Variants in PLEKHA1 observed in about 807,000 individuals in gnomAD.
PLEKHA1 encodes pleckstrin homology domain-containing family A member 1.
A neutral mutation model predicts 52.0 loss-of-function variants in PLEKHA1; 34 were observed. The ratio of observed to expected loss-of-function variants is 0.65; its 90% CI spans 0.50 to 0.87. PLEKHA1 has a LOEUF of 0.87. Ranked by LOEUF, PLEKHA1 falls within the 40% of genes least tolerant of loss-of-function variation. The pLI, the probability that PLEKHA1 is intolerant of heterozygous loss-of-function variation, is 0.00. For synonymous variants in PLEKHA1, 163 were observed against 170.7 expected (o/e 0.95, Z 0.35); for missense variants, 497 against 504.2 (o/e 0.99, Z 0.14).
chr10:122,384,207 G>T, intron 1 of PLEKHA1, among the ~76,000 whole-genome samples: 1 of 151,946 alleles, frequency 6.6e-6, no homozygotes, highest in East Asian at 1.9e-4. Flanking sequence ...TTTTTTGCAA[G>T]CTCTTTAAAT....
intron 1 of PLEKHA1, among the ~76,000 whole-genome samples, chr10:122,390,560 T>C (rs531421357): frequency 6.6e-6 from 1 of 152,226 alleles, no homozygotes; most frequent in African/African-American, 2.4e-5. Context: ...AGAGGATTGC[T>C]TGAGGCCAGG....
intron 1 of PLEKHA1, among the ~76,000 whole-genome samples, chr10:122,380,285 G>T (rs144061437): frequency 5.5e-4 from 83 of 152,262 alleles, no homozygotes; most frequent in African/African-American, 1.8e-3. Context: ...TTAGGCATTG[G>T]AGAAACAACA....
intron 1 of PLEKHA1, among the ~76,000 whole-genome samples, chr10:122,376,454 T>C (rs1219549401): frequency 6.6e-6 from 1 of 150,572 alleles, no homozygotes; most frequent in African/African-American, 2.4e-5. Context: ...TCTTGTAGCG[T>C]ATACCTGTAT....
At chr10:122,376,553 A>G (rs2096540558) in intron 1 of PLEKHA1, among the ~76,000 whole-genome samples, 2 of 150,002 alleles carry the variant, frequency 1.3e-5, no homozygotes, top group African/African-American at 4.9e-5. Context: ...ATATGTGTAT[A>G]CACACCGCGC....
chr10:122,383,762 C>A (rs983757627), intron 1 of PLEKHA1, among the ~76,000 whole-genome samples: 1 of 151,956 alleles, frequency 6.6e-6, no homozygotes, highest in Non-Finnish European at 1.5e-5. Context: ...TTCAAATTTC[C>A]GATTTTAAGT....
At chr10:122,429,424 T>G (rs1439314884) in intron 11 of PLEKHA1, among the ~76,000 whole-genome samples, 200 bp from the exon 12 acceptor site, 1 of 152,090 alleles carries the variant, frequency 6.6e-6, no homozygotes, top group Non-Finnish European at 1.5e-5. Context: ...TGCTTTAAAC[T>G]CACCTCTAAA....
At chr10:122,379,267 C>CA (rs2133568948) in intron 1 of PLEKHA1, among the ~76,000 whole-genome samples, 1 of 152,292 alleles carries the variant, frequency 6.6e-6, no homozygotes, top group African/African-American at 2.4e-5. Flanking sequence ...TTGATAATGG[C>CA]AAAACAACTT....
chr10:122,421,193 A>G (rs925969905), intron 8 of PLEKHA1: 2 of 152,114 alleles, frequency 1.3e-5, no homozygotes, highest in African/African-American at 2.4e-5. Context: ...TAATGAGGTA[A>G]ATTGAAATCA....
rs758862706 is a variant in PLEKHA1, at chr10:122,424,892, A to G, written c.747-4A>G. 1 of 1,606,248 alleles carries G rather than the reference A, an allele frequency of 6.2e-7. No individual in the cohort carries two copies. The highest frequency in any genetic ancestry group is 8.5e-7 in the Non-Finnish European group (1 of 1,176,762). On this transcript the variant is annotated splice_region_variant and splice_polypyrimidine_tract_variant and intron_variant, in intron 9 of 11. Coordinates refer to ENST00000368990, the MANE Select transcript of PLEKHA1 (RefSeq NM_001001974.4). ...AAGTATAATTGGATTTTTTTTTCAT[A>G]CAGCGACATAATGATGAGGGACAAC...
intron 5 of PLEKHA1, among the ~76,000 whole-genome samples, chr10:122,406,890 TAAG>T (rs781190441): frequency 2.6e-4 from 39 of 152,230 alleles, no homozygotes; most frequent in Non-Finnish European, 5.3e-4. Flanking sequence ...ATGCACCTAA[TAAG>T]GAGATATATT....
rs1413191472 is a variant in PLEKHA1, at chr10:122,406,600, A to G, written c.269A>G (p.Tyr90Cys). 1 of 1,612,852 alleles carries G rather than the reference A, an allele frequency of 6.2e-7. No individual in the cohort carries two copies. The highest frequency in any genetic ancestry group is 1.1e-5 in the South Asian group (1 of 91,044). The change falls in exon 5 of 12, where the codon TAC becomes TGC. Residue 90 changes from tyrosine to cysteine, a missense_variant. Coordinates refer to ENST00000368990, the MANE Select transcript of PLEKHA1 (RefSeq NM_001001974.4). ...GTTATGAATGCAGGAATGAGGAAGTACTTCCTACAAGCCAATGATCAGCAG... is the reference window on the plus strand; with the variant it reads ...GTTATGAATGCAGGAATGAGGAAGTGCTTCCTACAAGCCAATGATCAGCAG... ...CFVMNAGMRK[Y>C]FLQANDQQDL...
At chr10:122,436,993 C>CTTTTTTTTTTTT (rs34565375), downstream of PLEKHA1, 3 of 84,844 alleles carry the variant, frequency 3.5e-5, 1 homozygote, top group African/African-American at 9.5e-5. Flanking sequence ...TTACATCAGC[C>CTTTTTTTTTTTT]TTTTTTTTTT....
At chr10:122,375,298 C>G (rs2096513285) in intron 1 of PLEKHA1, among the ~76,000 whole-genome samples, 4 of 152,208 alleles carry the variant, frequency 2.6e-5, no homozygotes, top group African/African-American at 9.6e-5. Context: ...GGGCGCGCGT[C>G]CCCGGGCATC....
intron 4 of PLEKHA1, among the ~76,000 whole-genome samples, chr10:122,402,065 A>G (rs957397533): frequency 3.3e-5 from 5 of 152,182 alleles, no homozygotes; most frequent in African/African-American, 4.8e-5. Context: ...TTGTAATTGA[A>G]TGGGTATTGC....
chr10:122,424,977 C>A lies in PLEKHA1; in HGVS notation c.810+18C>A. 1.3e-6 allele frequency: 2 copies of A among 1,574,858 alleles called. No homozygotes were observed. Among genetic ancestry groups the A allele is most frequent in the Non-Finnish European group, 1.7e-6 (2 of 1,155,550 alleles). ...ATGTGCAGGTAAGATGCTTATTTGG[C>A]AATTAATAGATCCTCCTAAAAAGAA... On this transcript the variant is annotated intron_variant, in intron 10 of 11. Coordinates refer to ENST00000368990, the MANE Select transcript of PLEKHA1 (RefSeq NM_001001974.4).
Position 122,393,114 on chromosome 10 carries a change from T to G in PLEKHA1, c.-20-67T>G. 2 of 1,325,504 alleles carry G rather than the reference T, an allele frequency of 1.5e-6. No individual in the cohort carries two copies. The highest frequency in any genetic ancestry group is 2.0e-6 in the Non-Finnish European group (2 of 982,172). The allele number at this position is 1,325,504 out of a possible 1,614,324, so 82.1% of individuals were successfully genotyped here. On this transcript the variant is annotated intron_variant, in intron 1 of 11. Coordinates refer to ENST00000368990, the MANE Select transcript of PLEKHA1 (RefSeq NM_001001974.4). The surrounding 1 kb of genome is among the most constrained non-coding windows in gnomAD (Gnocchi z 4.5). ...GCAAGTTGCCCCCTCATTGAACAGA[T>G]TTGCAGTCCATGAGAAATACTTTCC...
At chr10:122,427,882 A>G (rs192380769) in intron 11 of PLEKHA1, among the ~76,000 whole-genome samples, 1 of 152,130 alleles carries the variant, frequency 6.6e-6, no homozygotes, top group Non-Finnish European at 1.5e-5. Context: ...CACTTTTAAT[A>G]TTTTTTTCTG....
At chr10:122,398,020 GTGAA>G in intron 3 of PLEKHA1, 46 bp downstream of exon 3, 1 of 1,459,858 alleles carries the variant, frequency 6.8e-7, no homozygotes, top group Non-Finnish European at 9.6e-7. Flanking sequence ...TAAAATCCCT[GTGAA>G]TGAGAGTATG....
chr10:122,429,861 A>C lies in PLEKHA1; in HGVS notation c.1138A>C (p.Ser380Arg), dbSNP rs1459945489. The C allele has an allele frequency of 3.7e-6, 6 of 1,614,068 alleles. No individual in the cohort carries two copies. The highest frequency in any genetic ancestry group is 5.1e-6 in the Non-Finnish European group (6 of 1,180,034). ...VTEQALLRPQ[S>R]KNGPQEKDCD... is the part of the protein sequence containing the mutation. ...TGAACAAGCTCTGTTAAGACCTCAA[A>C]GTAAAAATGGCCCTCAGGAAAAAGA... Residue 380 changes from serine to arginine, a missense_variant, in exon 12 of 12, where the codon AGT (serine) becomes CGT (arginine). Coordinates refer to ENST00000368990, the MANE Select transcript of PLEKHA1 (RefSeq NM_001001974.4).
Sources: allele counts gnomAD v4.1 joint callset (sites outside exome capture counted in the v4.1 genomes callset), GRCh38; gene constraint gnomAD v4.1.1; non-coding constraint Gnocchi (gnomAD v3.1); transcripts MANE v1.5; gene names NCBI Gene and HGNC (gene_info 2026-07-23, HGNC 2026-07-21).